KCNIP4: variants seen among roughly 807,000 people sequenced by gnomAD.
KCNIP4 encodes the protein Kv channel-interacting protein 4.
KCNIP4 carries 12 observed loss-of-function variants against 34.0 expected under a neutral mutation model. The observed-to-expected ratio is 0.35, with a 90% CI of 0.23 to 0.57. The LOEUF (loss-of-function observed/expected upper bound fraction) is 0.57, where lower values mean the gene tolerates loss of function less well. Among genes scored for constraint, KCNIP4 ranks in the 20% least tolerant of loss-of-function variants. The probability of loss-of-function intolerance (pLI) is 0.83; values close to 1 mark genes in which losing one functional copy is unlikely to be tolerated. For synonymous variants in KCNIP4, 124 were observed against 102.2 expected (o/e 1.21, Z -1.29); for missense variants, 238 against 311.7 (o/e 0.76, Z 1.78).
At chr4:21,353,981 G>A (rs1390653762) in intron 1 of KCNIP4, among the ~76,000 whole-genome samples, 4 of 152,174 alleles carry the variant, frequency 2.6e-5, no homozygotes, top group African/African-American at 4.8e-5. Flanking sequence ...AGAAGATAGT[G>A]GGGGCCAATA....
intron 1 of KCNIP4, among the ~76,000 whole-genome samples, chr4:21,200,359 TATATATACATACATATATGTGTGTA>T (rs1756393198): frequency 9.6e-6 from 1 of 104,512 alleles, no homozygotes; most frequent in African/African-American, 6.3e-5. Flanking sequence ...TGTGTGTATA[TATATATACATACATATATGTGTGTA>T]TATATATATA....
chr4:21,284,734 TTG>T (rs10547040), intron 1 of KCNIP4, among the ~76,000 whole-genome samples: 6,101 of 149,330 alleles, frequency 0.041, 368 homozygotes, highest in African/African-American at 0.13. Context: ...GTGGGTGCCC[TTG>T]TGTGTGTGTG....
At chr4:21,141,240 C>T (rs1056724578) in intron 1 of KCNIP4, among the ~76,000 whole-genome samples, 1 of 152,058 alleles carries the variant, frequency 6.6e-6, no homozygotes, top group Non-Finnish European at 1.5e-5. Flanking sequence ...AAAAATGGCA[C>T]TGATAGACTC....
intron 1 of KCNIP4, among the ~76,000 whole-genome samples, chr4:21,808,792 T>G (rs1361331088): frequency 6.6e-6 from 1 of 152,104 alleles, no homozygotes; most frequent in African/African-American, 2.4e-5. Context: ...TAGCTCCAAA[T>G]CTATAATTTT....
chr4:21,361,482 A>G (rs1236469134), intron 1 of KCNIP4, among the ~76,000 whole-genome samples: 1 of 151,382 alleles, frequency 6.6e-6, no homozygotes, highest in African/African-American at 2.4e-5. Context: ...CACACAGTTA[A>G]TACTAAAAAA....
Position 21,920,497 on chromosome 4 carries a change from G to A in KCNIP4, c.61+28074C>T, listed in dbSNP as rs537227449. On this transcript the variant is annotated intron_variant, in intron 1 of 8. Transcript: ENST00000382152. ...TTTGGGAGGTGGGTGAGGAATAAAA[G>A]GCTTCATAGTGAGTACAGTGTACAC... Among the ~76,000 whole-genome samples, 713 of 152,148 alleles carry A rather than the reference G, an allele frequency of 4.7e-3. 22 individuals are homozygous for A. The highest frequency in any genetic ancestry group is 0.042 in the Admixed American group (648 of 15,282).
At chr4:21,354,688 C>A (rs549929704) in intron 1 of KCNIP4, among the ~76,000 whole-genome samples, 6 of 152,276 alleles carry the variant, frequency 3.9e-5, no homozygotes, top group Non-Finnish European at 8.8e-5. Flanking sequence ...GATTCCCCCA[C>A]AGTAATAATG....
intron 1 of KCNIP4, among the ~76,000 whole-genome samples, chr4:21,133,732 C>G (rs1015558915): frequency 6.6e-6 from 1 of 152,084 alleles, no homozygotes; most frequent in African/African-American, 2.4e-5. Context: ...GCCATAATTT[C>G]TTGTTATGTG....
intron 1 of KCNIP4, chr4:21,849,539 C>A (rs559916734): frequency 1.3e-5 from 2 of 152,018 alleles, no homozygotes; most frequent in African/African-American, 2.4e-5. Flanking sequence ...ATGCTCACAT[C>A]GTCCCAGCAG....
intron 1 of KCNIP4, among the ~76,000 whole-genome samples, chr4:21,802,576 T>C (rs531559116): frequency 6.6e-6 from 1 of 152,294 alleles, no homozygotes; most frequent in Admixed American, 6.5e-5. Context: ...GGGGCTAACA[T>C]CAGGTTTCCT....
At chr4:21,381,846 T>C (rs1278182591) in intron 1 of KCNIP4, among the ~76,000 whole-genome samples, 2 of 152,114 alleles carry the variant, frequency 1.3e-5, no homozygotes, top group African/African-American at 4.8e-5. Flanking sequence ...TGAGACGCCC[T>C]GGAGATACAG....
At chr4:21,945,919 T>C (rs191634102) in intron 1 of KCNIP4, among the ~76,000 whole-genome samples, 1 of 151,050 alleles carries the variant, frequency 6.6e-6, no homozygotes, top group East Asian at 2.0e-4. Flanking sequence ...TCTCTACTTG[T>C]ATGTACTTAT....
chr4:21,375,746 T>C (rs895334756), intron 1 of KCNIP4, among the ~76,000 whole-genome samples: 1 of 151,850 alleles, frequency 6.6e-6, no homozygotes, highest in Non-Finnish European at 1.5e-5. Flanking sequence ...TTTTTTGTAT[T>C]TTTAGTAGAG....
rs201949257 is a variant in KCNIP4 at position 20,983,373 on chromosome 4, C to G, written c.62-100664G>C. ...CCATTTTATATCATAATAAACCACC[C>G]GGGTTCACCCCCACACCTCCTAACT... On this transcript the variant is annotated intron_variant, in intron 1 of 8. Coordinates refer to ENST00000382152, the MANE Select transcript of KCNIP4 (RefSeq NM_025221.6). Among the ~76,000 whole-genome samples the G allele has an allele frequency of 7.2e-5, 11 of 152,258 alleles. No individual in the cohort carries two copies. The East Asian group carries it at 2.1e-3, about 29-fold the overall frequency.
intron 1 of KCNIP4, among the ~76,000 whole-genome samples, chr4:21,670,233 T>C (rs78269689): frequency 6.6e-6 from 1 of 151,860 alleles, no homozygotes; most frequent in Admixed American, 6.6e-5. Context: ...ATAAAAACAA[T>C]CGCAGCCATA....
At chr4:20,762,568 T>A (rs986392825) in intron 3 of KCNIP4, among the ~76,000 whole-genome samples, 20 of 152,242 alleles carry the variant, frequency 1.3e-4, no homozygotes, top group Non-Finnish European at 2.8e-4. Flanking sequence ...TGCAGTGATC[T>A]CTCCATAAAA....
intron 1 of KCNIP4, among the ~76,000 whole-genome samples, chr4:21,667,274 T>C (rs148493433): frequency 3.0e-3 from 458 of 152,332 alleles, no homozygotes; most frequent in African/African-American, 0.01. Flanking sequence ...CATTTGTCTA[T>C]GGAGATAGGA....
rs773700625 is a variant in KCNIP4, at chr4:21,097,582, C to T, written c.62-214873G>A. The stretch of plus-strand genomic sequence containing the variant: ...TTATTACATCTGTCTTGGTGATCTG[C>T]GATCAGTGATCTTTGATGTGGCTAC... On this transcript the variant is annotated intron_variant, in intron 1 of 8. Transcript: ENST00000382152. 3.9e-5 allele frequency among the ~76,000 whole-genome samples: 6 copies of T among 152,016 alleles called. No individual in the cohort carries two copies. In the South Asian group the frequency reaches 6.2e-4, roughly 16 times the overall value.
chr4:21,382,811 T>C (rs1464261564), intron 1 of KCNIP4, among the ~76,000 whole-genome samples: 2 of 152,218 alleles, frequency 1.3e-5, no homozygotes, highest in African/African-American at 4.8e-5. Flanking sequence ...TAACCATTAT[T>C]AAAACCTTAA....
Sources: gnomAD v4.1 joint callset for allele counts (sites outside exome capture counted in the v4.1 genomes callset) on GRCh38, gnomAD v4.1.1 for gene constraint, MANE v1.5 for transcripts, NCBI Gene and HGNC (gene_info 2026-07-23, HGNC 2026-07-21) for gene names.